The following ARID3B variants were observed in gnomAD, a reference collection of about 807,000 sequenced individuals.
ARID3B encodes AT-rich interaction domain 3B, also known as AT-rich interactive domain-containing protein 3B.
ARID3B carries 10 observed loss-of-function variants against 51.9 expected under a neutral mutation model. The observed-to-expected ratio is 0.19, with a 90% CI of 0.12 to 0.33. The LOEUF (loss-of-function observed/expected upper bound fraction) is 0.33, where lower values mean the gene tolerates loss of function less well. ARID3B is among the 10% of genes least tolerant of loss of function. The probability of loss-of-function intolerance (pLI) is 1.00; values close to 1 mark genes in which losing one functional copy is unlikely to be tolerated. For synonymous variants in ARID3B, 205 were observed against 279.5 expected, an observed-to-expected ratio of 0.73 and a Z score of 2.66; for missense variants, 483 against 716.3, an observed-to-expected ratio of 0.67 and a Z score of 3.72.
intron 4 of ARID3B, among the ~76,000 whole-genome samples, chr15:74,580,146 GCAC>G (rs1284291396): frequency 1.3e-5 from 2 of 152,148 alleles, no homozygotes; most frequent in African/African-American, 4.8e-5. Context: ...AGCCAGGATT[GCAC>G]CACAGCCTGA....
At chr15:74,589,055 AGTCTCACT>A (rs11277090) in intron 4 of ARID3B, among the ~76,000 whole-genome samples, 26,652 of 119,138 alleles carry the variant, frequency 0.22, 4,233 homozygotes, top group East Asian at 0.54. Flanking sequence ...TTTTTAAGAC[AGTCTCACT>A]GTCGCCCAGG....
At chr15:74,544,597 C>G in intron 2 of ARID3B, 109 bp downstream of exon 2, 1 of 1,083,164 alleles carries the variant, frequency 9.2e-7, no homozygotes. Flanking sequence ...CACCCCACTT[C>G]GGTGACCAAC....
At chr15:74,560,640 A>G (rs1273334188) in intron 2 of ARID3B, among the ~76,000 whole-genome samples, 2 of 152,190 alleles carry the variant, frequency 1.3e-5, no homozygotes, top group Non-Finnish European at 2.9e-5. Flanking sequence ...AAAAAATACC[A>G]TGGTGTCCTG....
At chr15:74,561,163 A>C (rs926383470) in intron 2 of ARID3B, among the ~76,000 whole-genome samples, 1 of 152,092 alleles carries the variant, frequency 6.6e-6, no homozygotes, top group South Asian at 2.1e-4. Context: ...AAATTTATTG[A>C]TTTTTCTCTT....
At chr15:74,559,854 G>A (rs1230133872) in intron 2 of ARID3B, among the ~76,000 whole-genome samples, 3 of 151,530 alleles carry the variant, frequency 2.0e-5, no homozygotes, top group East Asian at 1.9e-4. Flanking sequence ...AACATTTGTT[G>A]TACTTGCGTT....
intron 4 of ARID3B, among the ~76,000 whole-genome samples, chr15:74,580,884 G>A (rs77127437): frequency 0.033 from 5,070 of 152,286 alleles, 299 homozygotes; most frequent in African/African-American, 0.12. Flanking sequence ...GCATCTAGCT[G>A]ATGAACACAG....
At chr15:74,593,691 A>G (rs1047906490) in intron 8 of ARID3B, among the ~76,000 whole-genome samples, 5 of 152,180 alleles carry the variant, frequency 3.3e-5, no homozygotes, top group African/African-American at 4.8e-5. Context: ...ATTTGGCAAC[A>G]GTGTTTTGTT....
At chr15:74,547,870 T>G (rs1390659862) in intron 2 of ARID3B, among the ~76,000 whole-genome samples, 1 of 152,256 alleles carries the variant, frequency 6.6e-6, no homozygotes. Flanking sequence ...AGGACAGGCA[T>G]CTGCTAACTG....
At chr15:74,555,585 G>A (rs979354557) in intron 2 of ARID3B, among the ~76,000 whole-genome samples, 1 of 152,048 alleles carries the variant, frequency 6.6e-6, no homozygotes, top group Admixed American at 6.6e-5. Context: ...TCCTGCCTCA[G>A]CTTCCCAAAG....
intron 2 of ARID3B, among the ~76,000 whole-genome samples, chr15:74,550,251 A>G (rs1051816619): frequency 6.6e-6 from 1 of 152,190 alleles, no homozygotes. Context: ...TATCTTTGAT[A>G]TCTTTGGTGA....
chr15:74,589,923 C>G lies in ARID3B; in HGVS notation c.801C>G (p.Asn267Lys), dbSNP rs368288976. ...AGGGAGGCCTGGTGGAGATCATCAACAAGAAGATCTGGAGGGAGATCACCA... is the reference window on the plus strand; with the variant it reads ...AGGGAGGCCTGGTGGAGATCATCAAGAAGAAGATCTGGAGGGAGATCACCA... ...TEKGGLVEII[N>K]KKIWREITKG... Residue 267 changes from asparagine to lysine, a missense_variant, in exon 5 of 9, where the codon AAC becomes AAG. Physicochemically the swap from Asn to Lys is moderately conservative, Grantham distance 94. Around this residue, in one of 3 missense-constraint regions of ARID3B, gnomAD observed 36 missense variants for 117.5 expected, o/e 0.31. Transcript: ENST00000346246. The G allele has an allele frequency of 2.5e-6, 4 of 1,613,950 alleles. No individual in the cohort carries two copies. The highest frequency in any genetic ancestry group is 2.7e-5 in the African/African-American group (2 of 74,884).
intron 2 of ARID3B, among the ~76,000 whole-genome samples, chr15:74,564,384 A>G (rs1490663597): frequency 1.3e-5 from 2 of 152,230 alleles, no homozygotes; most frequent in South Asian, 2.1e-4. Context: ...TTAACATTAC[A>G]TCATTAATCA....
In ARID3B at chr15:74,595,654, G is replaced by T; in HGVS notation, c.1563G>T (p.Gly521=). 3 of 1,613,478 alleles carry T rather than the reference G, an allele frequency of 1.9e-6. No individual in the cohort carries two copies. Among genetic ancestry groups the T allele is most frequent in the Non-Finnish European group, 1.7e-6 (2 of 1,179,644 alleles). ...AQKPVVHLIT[G]SAPQSLGSSA... is the part of the protein sequence containing the mutation. ...AGCCTGTGGTCCACCTCATCACGGGGTCTGCTCCCCAGAGCCTCGGCAGCA... is the reference window on the plus strand; with the variant it reads ...AGCCTGTGGTCCACCTCATCACGGGTTCTGCTCCCCAGAGCCTCGGCAGCA... The change falls in exon 9 of 9, where the codon GGG becomes GGT. Residue 521 remains glycine (G), a synonymous_variant. Coordinates refer to ENST00000346246, the MANE Select transcript of ARID3B (RefSeq NM_006465.4).
At position 74,598,091 on chromosome 15, in the gene ARID3B, C is replaced by T. The variant is rs2061835966; in HGVS notation, c.*2317C>T. On this transcript the variant is annotated 3_prime_UTR_variant, in exon 9 of 9. Transcript: ENST00000346246. ...GGTTATTTTCTATCTTACATGTTCT[C>T]GAATGTTTATATTTCAATAAACCTC... The T allele has an allele frequency of 2.0e-6, 1 of 509,148 alleles. No individual in the cohort carries two copies. The highest frequency in any genetic ancestry group is 3.8e-6 in the Non-Finnish European group (1 of 259,810). The allele number at this position is 509,148 out of a possible 1,614,324, so 31.5% of individuals were successfully genotyped here. A position where few individuals can be genotyped will look rare whatever the true frequency, so the allele number is the denominator to read the frequency against.
Position 74,591,633 on chromosome 15 carries a change from G to A in ARID3B, c.1239G>A (p.Gln413=), listed in dbSNP as rs769352414. 6.2e-7 allele frequency: 1 copy of A among 1,603,678 alleles called. No individual in the cohort carries two copies. Among genetic ancestry groups the A allele is most frequent in the Non-Finnish European group, 8.5e-7 (1 of 1,175,068 alleles). The change falls in exon 7 of 9, where the codon CAG becomes CAA. Residue 413 remains glutamine, a synonymous_variant. Transcript: ENST00000346246. The surrounding 1 kb of genome is among the most constrained non-coding windows in gnomAD (Gnocchi z 5.8). ...LAVPVTLASQ[Q]AGTRTAALEQ... ...TGCCCGTGACCTTGGCAAGCCAGCAGGCTGGTACTCGGACCGCCGCACTGG... is the reference window on the plus strand; with the variant it reads ...TGCCCGTGACCTTGGCAAGCCAGCAAGCTGGTACTCGGACCGCCGCACTGG...
chr15:74,555,480 T>C (rs2061654146), intron 2 of ARID3B, among the ~76,000 whole-genome samples: 1 of 152,032 alleles, frequency 6.6e-6, no homozygotes, highest in East Asian at 1.9e-4. Context: ...CGGGCATGTG[T>C]CACCATGCCC....
intron 4 of ARID3B, among the ~76,000 whole-genome samples, chr15:74,575,728 T>C (rs1313317968): frequency 6.6e-6 from 1 of 152,188 alleles, no homozygotes; most frequent in Non-Finnish European, 1.5e-5. Context: ...TAAATCTTTG[T>C]CCTGTCTTCA....
intron 4 of ARID3B, among the ~76,000 whole-genome samples, chr15:74,586,105 G>T (rs1402896786): frequency 6.6e-6 from 1 of 152,258 alleles, no homozygotes; most frequent in Non-Finnish European, 1.5e-5. Context: ...CGTGTGAGGA[G>T]AGTTCACTGT....
Position 74,591,190 on chromosome 15 carries a change from A to T in ARID3B, c.921A>T (p.Lys307Asn), listed in dbSNP as rs1313455391. 3 of 1,612,080 alleles carry T rather than the reference A, an allele frequency of 1.9e-6. No homozygotes were observed. The highest frequency in any genetic ancestry group is 2.5e-6 in the Non-Finnish European group (3 of 1,178,516). ...KYLYAYECEK[K>N]ALSSPAELQA... ...TGTATGCCTATGAGTGTGAGAAGAA[A>T]GCCTTGAGTTCCCCAGCCGAGCTCC... The change falls in exon 6 of 9, where the codon AAA becomes AAT. Residue 307 changes from lysine to asparagine, a missense_variant. This residue lies in a region of ARID3B where 265 missense variants were observed against 354.4 expected (regional missense o/e 0.75). Coordinates refer to ENST00000346246, the MANE Select transcript of ARID3B (RefSeq NM_006465.4). The surrounding 1 kb of genome is among the most constrained non-coding windows in gnomAD (Gnocchi z 5.8).
Sources: gnomAD v4.1 joint callset for allele counts (sites outside exome capture counted in the v4.1 genomes callset) on GRCh38, gnomAD v4.1.1 for gene constraint, gnomAD v4.1.1 regional missense constraint, Gnocchi (gnomAD v3.1) non-coding constraint, MANE v1.5 for transcripts, NCBI Gene and HGNC (gene_info 2026-07-23, HGNC 2026-07-21) for gene names.